Variants in PRPF31 observed in about 807,000 individuals in gnomAD.
PRPF31 encodes U4/U6 small nuclear ribonucleoprotein Prp31.
A neutral mutation model predicts 60.4 loss-of-function variants in PRPF31; 12 were observed. The ratio of observed to expected loss-of-function variants is 0.20; its 90% CI spans 0.13 to 0.32. The LOEUF is 0.32. Ranked by LOEUF, PRPF31 falls within the 10% of genes least tolerant of loss-of-function variation. The pLI, the probability that PRPF31 is intolerant of heterozygous loss-of-function variation, is 1.00. For synonymous variants in PRPF31, 287 were observed against 287.9 expected (o/e 1.00, Z 0.03); for missense variants, 431 against 687.1 (o/e 0.63, Z 4.17).
intron 9 of PRPF31, among the ~76,000 whole-genome samples, chr19:54,126,837 C>G (rs185520118): frequency 2.0e-4 from 30 of 152,278 alleles, no homozygotes; most frequent in Non-Finnish European, 4.0e-4. Context: ...TGGCTTAAAA[C>G]AGTGCAGGTG....
Position 54,118,641 on chromosome 19 carries a change from C to T in PRPF31, c.238+8C>T, listed in dbSNP as rs2073710721. On this transcript the variant is annotated splice_region_variant and intron_variant, in intron 3 of 13. Transcript: ENST00000321030. ...AAGCCAAAGCTTCAGAAGGTGCTTC[C>T]TCCCACTCTGTGCCCCTCCCCATCT... 1.2e-6 allele frequency: 2 copies of T among 1,613,914 alleles called. No homozygotes were observed. Among genetic ancestry groups the T allele is most frequent in the Non-Finnish European group, 1.7e-6 (2 of 1,179,866 alleles).
Position 54,131,393 on chromosome 19 carries a change from C to T in PRPF31, c.1461C>T (p.Leu487=), listed in dbSNP as rs148353051. ...ATTTCTCCAGCATGGCTGAGTTCCT[C>T]AAGGTCAAGGGCGAGAAGAGTGGCC... ...QKYFSSMAEF[L]KVKGEKSGLM... is the part of the protein sequence containing the mutation. Residue 487 remains leucine, a synonymous_variant, in exon 14 of 14, where the codon CTC becomes CTT. Coordinates refer to ENST00000321030, the MANE Select transcript of PRPF31 (RefSeq NM_015629.4). 1.9e-6 allele frequency: 3 copies of T among 1,614,002 alleles called. No individual in the cohort carries two copies. Among genetic ancestry groups the T allele is most frequent in the African/African-American group, 2.7e-5 (2 of 74,958 alleles).
chr19:54,125,863 G>A (rs1198580758), intron 8 of PRPF31, among the ~76,000 whole-genome samples: 3 of 152,202 alleles, frequency 2.0e-5, no homozygotes, highest in Non-Finnish European at 4.4e-5. Context: ...CTGCACCCCT[G>A]CCATCGCCAC....
intron 1 of PRPF31, among the ~76,000 whole-genome samples, chr19:54,116,467 A>G (rs1169570201): frequency 2.0e-5 from 3 of 152,106 alleles, no homozygotes; most frequent in African/African-American, 7.2e-5. Context: ...GGGCCTCCCA[A>G]AGTGCTGGGA....
At chr19:54,119,295 T>C (rs1343561083) in intron 3 of PRPF31, among the ~76,000 whole-genome samples, 3 of 150,862 alleles carry the variant, frequency 2.0e-5, no homozygotes, top group Admixed American at 2.0e-4. Flanking sequence ...GGCGGGAGAA[T>C]GGCGTGAACC....
At chr19:54,120,892 G>A (rs1370743417) in intron 3 of PRPF31, among the ~76,000 whole-genome samples, 1 of 152,164 alleles carries the variant, frequency 6.6e-6, no homozygotes, top group Admixed American at 6.5e-5. Context: ...GGGATTACAG[G>A]TATGAGCCAC....
At position 54,128,099 on chromosome 19, in the gene PRPF31, C is replaced by T. The variant is rs991656582; in HGVS notation, c.972C>T (p.Ile324=). The change falls in exon 10 of 14, where the codon ATC becomes ATT. Residue 324 remains isoleucine (I), a synonymous_variant. Transcript: ENST00000321030. The part of the protein sequence containing the change: ...GKVGYELKDE[I]ERKFDKWQEP... ...TGGGCTACGAACTGAAGGATGAGAT[C>T]GAGCGCAAATTCGACAAGTGGCAGG... is the stretch of plus-strand genomic sequence containing the variant. 2.6e-6 allele frequency: 4 copies of T among 1,549,434 alleles called. No homozygotes were observed. Among genetic ancestry groups the T allele is most frequent in the South Asian group, 1.2e-5 (1 of 84,034 alleles).
chr19:54,117,051 C>T lies in PRPF31; in HGVS notation c.-8-1220C>T, dbSNP rs1189384419. On this transcript the variant is annotated intron_variant, in intron 1 of 13. Transcript: ENST00000321030. ...TCGAGGCTGCCGTGAGCTATGATGG[C>T]GCCACTGCACTGCAGCCTAGGTGAC... 4.0e-5 allele frequency among the ~76,000 whole-genome samples: 6 copies of T among 151,846 alleles called. No individual in the cohort carries two copies. In the South Asian group the frequency reaches 8.3e-4, roughly 21 times the overall value.
rs779970738 is a variant in PRPF31, at chr19:54,123,477, G to A, written c.444G>A (p.Lys148=). The change falls in exon 6 of 14, where the codon AAG becomes AAA. Residue 148 remains lysine, a synonymous_variant. Coordinates refer to ENST00000321030, the MANE Select transcript of PRPF31 (RefSeq NM_015629.4). The part of the protein sequence containing the change: ...TVKELGNSLD[K]CKNNENLQQI... ...AGGAGCTGGGCAACAGCCTGGACAA[G>A]TGCAAGAACAATGAGAACCTGCAGC... is the stretch of plus-strand genomic sequence containing the variant. 2.5e-6 allele frequency: 4 copies of A among 1,614,172 alleles called. No individual in the cohort carries two copies. Among genetic ancestry groups the A allele is most frequent in the Admixed American group, 3.3e-5 (2 of 60,028 alleles).
At chr19:54,122,004 T>C (rs587721268) in intron 4 of PRPF31, 61 bp downstream of exon 4, 157 of 1,506,502 alleles carry the variant, frequency 1.0e-4, no homozygotes, top group Admixed American at 8.5e-4. Flanking sequence ...CCCCTCTCCC[T>C]TCCCCACTGG....
intron 9 of PRPF31, 138 bp downstream of exon 9, chr19:54,126,755 T>G: frequency 2.2e-6 from 2 of 893,396 alleles, no homozygotes; most frequent in Non-Finnish European, 3.6e-6. Flanking sequence ...CTGCCCACCC[T>G]CCCTGGGGTC....
rs1279386080 is a variant in PRPF31, at chr19:54,118,347, T to C, written c.69T>C (p.Tyr23=). 3.1e-6 allele frequency: 5 copies of C among 1,613,746 alleles called. No individual in the cohort carries two copies. The East Asian group carries it at 1.1e-4, about 36-fold the overall frequency. Residue 23 remains tyrosine, a synonymous_variant, in exon 2 of 14, where the codon TAT becomes TAC. Coordinates refer to ENST00000321030, the MANE Select transcript of PRPF31 (RefSeq NM_015629.4). ...EAAEEEEGGS[Y]GEEEEEPAIE... is the part of the protein sequence containing the mutation. ...CAGAAGAGGAGGAAGGAGGAAGCTA[T>C]GGGGAGGAAGAAGAGGAGCCAGCGA... is the stretch of plus-strand genomic sequence containing the variant.
At chr19:54,116,330 G>C (rs36204089) in intron 1 of PRPF31, among the ~76,000 whole-genome samples, 4,031 of 151,898 alleles carry the variant, frequency 0.027, 174 homozygotes, top group African/African-American at 0.091. Context: ...TCAGCCTCCC[G>C]AGTAGCTGGG....
chr19:54,122,765 C>T (rs2073824554), intron 5 of PRPF31, 171 bp downstream of exon 5: 3 of 692,266 alleles, frequency 4.3e-6, no homozygotes, highest in Admixed American at 4.1e-5. Flanking sequence ...ACAGGACTTT[C>T]TCAGGGCTCC....
chr19:54,129,652 T>C (rs2074007049), intron 13 of PRPF31, among the ~76,000 whole-genome samples: 1 of 132,424 alleles, frequency 7.6e-6, no homozygotes, highest in Non-Finnish European at 1.6e-5. Context: ...TGTGAGCGGG[T>C]AACACTGCTC....
chr19:54,124,572 G>A lies in PRPF31; in HGVS notation c.771G>A (p.Lys257=). The change falls in exon 8 of 14, where the codon AAG becomes AAA. Residue 257 remains lysine, a synonymous_variant. Transcript: ENST00000321030. ...CNIMLLGAQR[K]TLSGFSSTSV... ...TCATGCTGCTCGGGGCCCAGCGCAA[G>A]ACGCTGTCGGGCTTCTCGTCTACCT... 1.2e-6 allele frequency: 2 copies of A among 1,613,266 alleles called. No homozygotes were observed. Among genetic ancestry groups the A allele is most frequent in the South Asian group, 1.1e-5 (1 of 91,078 alleles).
At position 54,128,281 on chromosome 19, in the gene PRPF31, C is replaced by T. The variant is rs181204361; in HGVS notation, c.1074-24C>T. On this transcript the variant is annotated intron_variant, in intron 10 of 13. Coordinates refer to ENST00000321030, the MANE Select transcript of PRPF31 (RefSeq NM_015629.4). Reference sequence around the variant, plus strand: ...GTCCTCCTCCCAGCCGACTCCCTGGCGCCGCCCACCCACCCGTCCCCAGGT... The same window carrying T: ...GTCCTCCTCCCAGCCGACTCCCTGGTGCCGCCCACCCACCCGTCCCCAGGT... 2,959 of 1,550,752 alleles carry T rather than the reference C, an allele frequency of 1.9e-3. 51 individuals carry two copies. In the African/African-American group the frequency reaches 0.033, roughly 17 times the overall value.
rs1450195099 is a variant in PRPF31 at position 54,128,156 on chromosome 19, G to A, written c.1029G>A (p.Leu343=). 4.5e-6 allele frequency: 7 copies of A among 1,562,610 alleles called. No homozygotes were observed. Among genetic ancestry groups the A allele is most frequent in the Admixed American group, 3.9e-5 (2 of 51,296 alleles). The stretch of plus-strand genomic sequence containing the variant: ...CGCCTGTGAAGCAGGTGAAGCCGCT[G>A]CCTGCGCCCCTGGATGGACAGCGGA... ...EPPPVKQVKP[L]PAPLDGQRKK... Residue 343 remains leucine (L), a synonymous_variant, in exon 10 of 14, where the codon CTG becomes CTA. Coordinates refer to ENST00000321030, the MANE Select transcript of PRPF31 (RefSeq NM_015629.4).
At chr19:54,125,971 G>T (rs1176209471) in intron 8 of PRPF31, among the ~76,000 whole-genome samples, 24 of 152,230 alleles carry the variant, frequency 1.6e-4, no homozygotes, top group Admixed American at 1.5e-3. Context: ...TCTCACATCG[G>T]TCCAGGCACA....
Sources: allele counts gnomAD v4.1 joint callset (sites outside exome capture counted in the v4.1 genomes callset), GRCh38; gene constraint gnomAD v4.1.1; transcripts MANE v1.5; gene names NCBI Gene and HGNC (gene_info 2026-07-23, HGNC 2026-07-21).